TNFRSF11B: variants seen among roughly 807,000 people sequenced by gnomAD.
The protein encoded by TNFRSF11B is TNF receptor superfamily member 11b, also known as tumor necrosis factor receptor superfamily member 11B.
In TNFRSF11B, 16 loss-of-function variants were observed where a neutral mutation model predicts 43.4. The observed-to-expected ratio is 0.37, with a 90% CI of 0.25 to 0.56. The LOEUF (loss-of-function observed/expected upper bound fraction) is 0.56. Ranked by LOEUF, TNFRSF11B falls within the 20% of genes least tolerant of loss-of-function variation. The pLI, the probability that TNFRSF11B is intolerant of heterozygous loss-of-function variation, is 0.80. For synonymous variants in TNFRSF11B, 185 were observed against 181.8 expected (o/e 1.02, Z -0.14); for missense variants, 444 against 490.1 (o/e 0.91, Z 0.89).
intron 1 of TNFRSF11B, among the ~76,000 whole-genome samples, chr8:118,941,842 A>G (rs1812492446): frequency 6.6e-6 from 1 of 152,152 alleles, no homozygotes; most frequent in East Asian, 1.9e-4. Flanking sequence ...CACAGATCTT[A>G]ATATTTCTTC....
chr8:118,950,847 T>C (rs1812633028), intron 1 of TNFRSF11B, among the ~76,000 whole-genome samples: 1 of 152,192 alleles, frequency 6.6e-6, no homozygotes, highest in African/African-American at 2.4e-5. Flanking sequence ...TATTCATTAT[T>C]TGTGGGTTGG....
At chr8:118,947,604 T>TA (rs1388279435) in intron 1 of TNFRSF11B, among the ~76,000 whole-genome samples, 1 of 152,270 alleles carries the variant, frequency 6.6e-6, no homozygotes, top group East Asian at 1.9e-4. Flanking sequence ...GAAATCTAAG[T>TA]AAAAAAATCT....
At chr8:118,930,933 G>A (rs1248169355) in intron 2 of TNFRSF11B, among the ~76,000 whole-genome samples, 1 of 152,116 alleles carries the variant, frequency 6.6e-6, no homozygotes, top group Non-Finnish European at 1.5e-5. Context: ...CTCTATAACT[G>A]ATGGTACTTT....
intron 2 of TNFRSF11B, chr8:118,929,213 T>C (rs1260237026): frequency 4.3e-6 from 2 of 466,964 alleles, no homozygotes; most frequent in East Asian, 8.4e-5. Context: ...GGGTAGGGTG[T>C]TCATTAGTCC....
At chr8:118,940,181 G>A (rs1482451698) in intron 1 of TNFRSF11B, among the ~76,000 whole-genome samples, 2 of 152,172 alleles carry the variant, frequency 1.3e-5, no homozygotes, top group African/African-American at 4.8e-5. Flanking sequence ...GGCCTGTCGT[G>A]GGGTGGGGGG....
At chr8:118,948,135 G>T (rs371089948) in intron 1 of TNFRSF11B, among the ~76,000 whole-genome samples, 12 of 152,028 alleles carry the variant, frequency 7.9e-5, no homozygotes, top group Non-Finnish European at 1.8e-4. Flanking sequence ...TGCCCTACAG[G>T]GTAAACCATA....
chr8:118,946,214 C>A (rs747270098), intron 1 of TNFRSF11B, among the ~76,000 whole-genome samples: 6 of 152,060 alleles, frequency 3.9e-5, no homozygotes, highest in Non-Finnish European at 7.4e-5. Context: ...GGAAATTATG[C>A]CAACTTGTAG....
intron 1 of TNFRSF11B, among the ~76,000 whole-genome samples, chr8:118,946,803 C>A (rs1448028341): frequency 2.0e-5 from 3 of 152,162 alleles, no homozygotes; most frequent in Non-Finnish European, 4.4e-5. Flanking sequence ...GCTTCTCCTG[C>A]ACTCTAAAAT....
At chr8:118,924,901 G>A (rs1395789749) in intron 4 of TNFRSF11B, 139 bp from the exon 5 acceptor site, 4 of 981,024 alleles carry the variant, frequency 4.1e-6, no homozygotes, top group Non-Finnish European at 6.2e-6. Flanking sequence ...TTGAGAGGGA[G>A]TTAAGTGACA....
intron 2 of TNFRSF11B, among the ~76,000 whole-genome samples, chr8:118,932,636 A>G (rs942260772): frequency 1.1e-4 from 16 of 148,696 alleles, no homozygotes; most frequent in Non-Finnish European, 1.9e-4. Context: ...TCAACTATCA[A>G]TAGTGCAACT....
intron 3 of TNFRSF11B, 40 bp from the exon 4 acceptor site, chr8:118,926,758 A>G (rs768436617): frequency 2.6e-6 from 4 of 1,559,140 alleles, no homozygotes; most frequent in East Asian, 2.3e-5. Context: ...TTACTCAACA[A>G]TTGGATTTCT....
intron 1 of TNFRSF11B, among the ~76,000 whole-genome samples, chr8:118,934,393 T>TA (rs1175610301): frequency 6.6e-6 from 1 of 152,188 alleles, no homozygotes; most frequent in African/African-American, 2.4e-5. Flanking sequence ...GAATGACATC[T>TA]AAAAACAATA....
intron 2 of TNFRSF11B, among the ~76,000 whole-genome samples, chr8:118,932,173 T>C (rs930770994): frequency 4.6e-5 from 7 of 152,216 alleles, no homozygotes; most frequent in African/African-American, 1.7e-4. Context: ...TGAAAAGTTA[T>C]AGGCTGCACT....
intron 1 of TNFRSF11B, among the ~76,000 whole-genome samples, chr8:118,949,309 C>T (rs1356824486): frequency 6.6e-6 from 1 of 152,118 alleles, no homozygotes; most frequent in Non-Finnish European, 1.5e-5. Context: ...ACCCCTCCTC[C>T]AGGATGACGG....
chr8:118,949,283 A>G (rs190877830), intron 1 of TNFRSF11B, among the ~76,000 whole-genome samples: 6 of 152,194 alleles, frequency 3.9e-5, no homozygotes, highest in Admixed American at 2.0e-4. Context: ...TTAAATCTCC[A>G]ACAATGAAAC....
At chr8:118,925,499 A>G (rs923610558) in intron 4 of TNFRSF11B, among the ~76,000 whole-genome samples, 3 of 152,226 alleles carry the variant, frequency 2.0e-5, no homozygotes, top group Non-Finnish European at 4.4e-5. Context: ...AGGGCTAATT[A>G]TACGTTCAAA....
At chr8:118,944,668 G>A (rs1333425355) in intron 1 of TNFRSF11B, among the ~76,000 whole-genome samples, 2 of 152,022 alleles carry the variant, frequency 1.3e-5, no homozygotes, top group Admixed American at 6.6e-5. Flanking sequence ...AACAGAGCGT[G>A]GGTGCAGAGG....
At chr8:118,945,373 A>C (rs1401258827) in intron 1 of TNFRSF11B, among the ~76,000 whole-genome samples, 12 of 152,114 alleles carry the variant, frequency 7.9e-5, no homozygotes, top group Non-Finnish European at 1.5e-5. Flanking sequence ...TGCTGGAAGT[A>C]AGACCCATAG....
At chr8:118,926,833 T>C in intron 3 of TNFRSF11B, 115 bp from the exon 4 acceptor site, 2 of 1,037,952 alleles carry the variant, frequency 1.9e-6, no homozygotes. Context: ...AGATAAAATA[T>C]GCTAAAATGC....
Sources: gnomAD v4.1 joint callset for allele counts (sites outside exome capture counted in the v4.1 genomes callset) on GRCh38, gnomAD v4.1.1 for gene constraint, MANE v1.5 for transcripts, NCBI Gene and HGNC (gene_info 2026-07-23, HGNC 2026-07-21) for gene names.